Variants in RET observed in about 807,000 individuals in gnomAD.
The protein encoded by RET is proto-oncogene tyrosine-protein kinase receptor Ret.
A neutral mutation model predicts 118.3 loss-of-function variants in RET; 19 were observed. That is an observed-to-expected ratio of 0.16 (90% CI 0.11 to 0.24). The LOEUF is 0.24. Ranked by LOEUF, RET falls within the 10% of genes least tolerant of loss-of-function variation. The pLI, the probability that RET is intolerant of heterozygous loss-of-function variation, is 1.00. For synonymous variants in RET, 597 were observed against 644.1 expected (o/e 0.93, Z 1.11); for missense variants, 1,219 against 1,502.1 (o/e 0.81, Z 3.12).
chr10:43,120,720 C>G (rs1040134270), intron 15 of RET, among the ~76,000 whole-genome samples: 1 of 152,184 alleles, frequency 6.6e-6, no homozygotes, highest in Non-Finnish European at 1.5e-5. Context: ...CCAGCTTTGT[C>G]CAAGTCTATG....
intron 6 of RET, 42 bp from the exon 7 acceptor site, chr10:43,111,165 G>A (rs562649411): frequency 2.5e-5 from 40 of 1,610,894 alleles, no homozygotes; most frequent in East Asian, 1.8e-4. Flanking sequence ...ATTACAGGCC[G>A]GTCCAGCTGC....
Position 43,112,972 on chromosome 10 carries a change from G to A in RET, c.1759+9G>A, listed in dbSNP as rs1216094635. The A allele has an allele frequency of 1.9e-6, 3 of 1,607,240 alleles. No individual in the cohort carries two copies. Among genetic ancestry groups the A allele is most frequent in the Non-Finnish European group, 2.6e-6 (3 of 1,173,828 alleles). On this transcript the variant is annotated intron_variant, in intron 9 of 19. Transcript: ENST00000355710. ...CCCTCAGGACTGCCTCCGTAAGCAGGGTTTAATCAGGGCATGGGAACAGGT... is the reference window on the plus strand; with the variant it reads ...CCCTCAGGACTGCCTCCGTAAGCAGAGTTTAATCAGGGCATGGGAACAGGT...
chr10:43,096,611 C>G (rs188905011), intron 1 of RET, among the ~76,000 whole-genome samples: 4 of 152,170 alleles, frequency 2.6e-5, no homozygotes, highest in Non-Finnish European at 5.9e-5. Flanking sequence ...TCCCCCACTT[C>G]GAAGCTGGGG....
Position 43,109,059 on chromosome 10 carries a change from C to T in RET, c.1092C>T (p.Ile364=), listed in dbSNP as rs759548155. 1.9e-6 allele frequency: 3 copies of T among 1,613,434 alleles called. No individual in the cohort carries two copies. Among genetic ancestry groups the T allele is most frequent in the African/African-American group, 1.3e-5 (1 of 74,902 alleles). The change falls in exon 6 of 20, where the codon ATC becomes ATT. Residue 364 remains isoleucine, a synonymous_variant. Transcript: ENST00000355710. ...TGGTTCTCAACCGGAACCTCTCCAT[C>T]TCGGAGAACCGCACCATGCAGCTGG... is the stretch of plus-strand genomic sequence containing the variant. The part of the protein sequence containing the change: ...YRLVLNRNLS[I]SENRTMQLAV...
At chr10:43,118,168 G>A (rs1838116113) in intron 12 of RET, among the ~76,000 whole-genome samples, 1 of 152,194 alleles carries the variant, frequency 6.6e-6, no homozygotes, top group Non-Finnish European at 1.5e-5. Context: ...GTGGTTGCTG[G>A]CTCCTCAGGG....
intron 1 of RET, among the ~76,000 whole-genome samples, chr10:43,098,928 T>C (rs1001972933): frequency 6.6e-6 from 1 of 152,242 alleles, no homozygotes; most frequent in African/African-American, 2.4e-5. Flanking sequence ...GATTGGTAGA[T>C]CATATGGTAA....
At chr10:43,113,033 C>T in intron 9 of RET, 70 bp downstream of exon 9, 1 of 1,315,808 alleles carries the variant, frequency 7.6e-7, no homozygotes, top group Non-Finnish European at 1.1e-6. Flanking sequence ...CCCACAGGCA[C>T]TTCAGCCAGA....
At chr10:43,083,749 G>A (rs1411028081) in intron 1 of RET, among the ~76,000 whole-genome samples, 1 of 152,246 alleles carries the variant, frequency 6.6e-6, no homozygotes, top group Admixed American at 6.5e-5. Context: ...GACAGAGGGG[G>A]AAACAGGGTA....
chr10:43,110,858 T>C (rs917805096), intron 6 of RET, among the ~76,000 whole-genome samples: 1 of 152,028 alleles, frequency 6.6e-6, no homozygotes, highest in Non-Finnish European at 1.5e-5. Context: ...GCGGCTTTGT[T>C]GTCTGAGTGA....
intron 1 of RET, among the ~76,000 whole-genome samples, chr10:43,080,276 C>T (rs1370350866): frequency 2.0e-5 from 3 of 152,344 alleles, no homozygotes; most frequent in South Asian, 2.1e-4. Flanking sequence ...CCCCTGAGAC[C>T]TTCCCCCTCT....
At chr10:43,088,881 C>A (rs534839871) in intron 1 of RET, among the ~76,000 whole-genome samples, 30 of 152,332 alleles carry the variant, frequency 2.0e-4, no homozygotes, top group African/African-American at 7.2e-4. Flanking sequence ...CGGCCCTGTG[C>A]TGTTGCTGCT....
rs753707182 is a variant in RET at position 43,102,570 on chromosome 10, G to A, written c.566G>A (p.Arg189His). 9.9e-6 allele frequency: 16 copies of A among 1,614,162 alleles called. No homozygotes were observed. The highest frequency in any genetic ancestry group is 6.6e-5 in the South Asian group (6 of 91,086). ...CCCCCAGGCACCTTCCACCAGTTCC[G>A]CCTGCTGCCTGTGCAGTTCTTGTGC... is the stretch of plus-strand genomic sequence containing the variant. ...NRPPGTFHQF[R>H]LLPVQFLCPN... The change falls in exon 3 of 20, where the codon CGC (arginine) becomes CAC (histidine). Residue 189 changes from arginine to histidine, a missense_variant. Arg to His is a conservative substitution (Grantham distance 29, BLOSUM62 0). Transcript: ENST00000355710.
intron 18 of RET, 129 bp downstream of exon 18, chr10:43,125,111 G>C (rs943940984): frequency 2.4e-6 from 2 of 847,620 alleles, no homozygotes; most frequent in African/African-American, 1.7e-5. Flanking sequence ...CAGAGAGAGA[G>C]AGTCATGCTC....
chr10:43,082,635 C>T (rs1348596829), intron 1 of RET, among the ~76,000 whole-genome samples: 1 of 152,152 alleles, frequency 6.6e-6, no homozygotes, highest in Non-Finnish European at 1.5e-5. Context: ...CCATGCCCTG[C>T]AGGAGCCAGG....
In RET at chr10:43,102,670, A is replaced by C. The variant is rs765101901; in HGVS notation, c.625+41A>C. The C allele has an allele frequency of 2.5e-6, 4 of 1,611,588 alleles. No homozygotes were observed. In the South Asian group the frequency reaches 3.3e-5, roughly 13 times the overall value. On this transcript the variant is annotated intron_variant, in intron 3 of 19. Transcript: ENST00000355710. ...GTGGGGCCGCCCCACAGTGCCTGCT[A>C]CTGCTGGTCTTGCTCTGCGAGCCCT...
At chr10:43,077,360 A>G in intron 1 of RET, 29 bp downstream of exon 1, 1 of 1,502,544 alleles carries the variant, frequency 6.7e-7, no homozygotes, top group Non-Finnish European at 8.8e-7. Context: ...CGGCTCCCGC[A>G]GGGGCCAGGG....
intron 11 of RET, among the ~76,000 whole-genome samples, chr10:43,116,359 G>A (rs1347735172): frequency 1.3e-5 from 2 of 152,328 alleles, no homozygotes; most frequent in South Asian, 2.1e-4. Context: ...CTGAGTCCAA[G>A]CCATGCTGTG....
intron 16 of RET, among the ~76,000 whole-genome samples, chr10:43,123,348 TATTA>T (rs1442540181): frequency 6.6e-6 from 1 of 152,254 alleles, no homozygotes; most frequent in Non-Finnish European, 1.5e-5. Context: ...TAATTCATGA[TATTA>T]ATTAATGTAT....
chr10:43,126,986 G>A, intron 19 of RET: 1 of 1,386,948 alleles, frequency 7.2e-7, no homozygotes, highest in Admixed American at 3.1e-5. Context: ...AACAGATCAG[G>A]GCGGAACTCT....
Sources: allele counts gnomAD v4.1 joint callset (sites outside exome capture counted in the v4.1 genomes callset), GRCh38; gene constraint gnomAD v4.1.1; transcripts MANE v1.5; gene names NCBI Gene and HGNC (gene_info 2026-07-23, HGNC 2026-07-21).